PSTPIP1: variants seen among roughly 807,000 people sequenced by gnomAD.
The protein encoded by PSTPIP1 is proline-serine-threonine phosphatase interacting protein 1, also known as proline-serine-threonine phosphatase-interacting protein 1.
Under a neutral mutation model 69.6 loss-of-function variants are expected in PSTPIP1, and 66 were observed. That is an observed-to-expected ratio of 0.95 (90% CI 0.78 to 1.16). The LOEUF (loss-of-function observed/expected upper bound fraction) is 1.16. Ranked by LOEUF, PSTPIP1 falls within the 50% of genes most tolerant of loss-of-function variation. The probability of loss-of-function intolerance (pLI) is 0.00; values close to 1 mark genes in which losing one functional copy is unlikely to be tolerated. For synonymous variants in PSTPIP1, 266 were observed against 222.7 expected, an observed-to-expected ratio of 1.19 and a Z score of -1.73; for missense variants, 603 against 557.4, an observed-to-expected ratio of 1.08 and a Z score of -0.82.
intron 1 of PSTPIP1, among the ~76,000 whole-genome samples, chr15:77,014,078 G>A (rs918853772): frequency 6.6e-6 from 1 of 152,150 alleles, no homozygotes; most frequent in Non-Finnish European, 1.5e-5. Context: ...CCCTGAGTGT[G>A]GGGCTTTGCA....
At chr15:77,012,567 T>C (rs2075967879) in intron 1 of PSTPIP1, among the ~76,000 whole-genome samples, 1 of 152,142 alleles carries the variant, frequency 6.6e-6, no homozygotes, top group African/African-American at 2.4e-5. Flanking sequence ...ACCTGAGTGT[T>C]TGGTCCTTTG....
In PSTPIP1 at chr15:77,037,223, C is replaced by G; in HGVS notation, c.*47C>G. 1 of 1,553,930 alleles carries G rather than the reference C, an allele frequency of 6.4e-7. No individual in the cohort carries two copies. Among genetic ancestry groups the G allele is most frequent in the East Asian group, 2.4e-5 (1 of 41,492 alleles). On this transcript the variant is annotated 3_prime_UTR_variant, in exon 15 of 15. Transcript: ENST00000558012. Reference sequence around the variant, plus strand: ...GGACCTGCCCTGCCAGTGGAGCCAGCAGTGCCCCCAGCACTGTCCCCACCT... The same window carrying G: ...GGACCTGCCCTGCCAGTGGAGCCAGGAGTGCCCCCAGCACTGTCCCCACCT...
chr15:77,014,188 A>G (rs761144027), intron 1 of PSTPIP1, among the ~76,000 whole-genome samples: 9 of 151,964 alleles, frequency 5.9e-5, no homozygotes, highest in Non-Finnish European at 1.2e-4. Context: ...AGATTGGGTA[A>G]CCTCTCTGGG....
At chr15:76,996,503 C>T (rs550554582) in intron 1 of PSTPIP1, among the ~76,000 whole-genome samples, 11 of 152,358 alleles carry the variant, frequency 7.2e-5, no homozygotes, top group Admixed American at 4.6e-4. Context: ...CCGAAGAGGA[C>T]GCTCTGGCCC....
At chr15:76,994,849 G>T, upstream of PSTPIP1, 1 of 1,289,130 alleles carries the variant, frequency 7.8e-7, no homozygotes. Flanking sequence ...CTAGTGCGGG[G>T]TGGGGAGTCT....
At chr15:77,011,398 T>C (rs8030698) in intron 1 of PSTPIP1, among the ~76,000 whole-genome samples, 100,927 of 152,134 alleles carry the variant, frequency 0.66, 36,155 homozygotes, top group Middle Eastern at 0.85. Flanking sequence ...CAGGCATCTC[T>C]GGGACTCGGC....
At position 77,027,929 on chromosome 15, in the gene PSTPIP1, C is replaced by G; in HGVS notation, c.417+15C>G. 1 of 1,550,912 alleles carries G rather than the reference C, an allele frequency of 6.4e-7. No individual in the cohort carries two copies. Among genetic ancestry groups the G allele is most frequent in the Non-Finnish European group, 8.7e-7 (1 of 1,145,858 alleles). ...AGGCCATGGAGGTGAGCGCCAGGGCCTGGGGCCGCGGCCTTCCCTCGAGGA... is the reference window on the plus strand; with the variant it reads ...AGGCCATGGAGGTGAGCGCCAGGGCGTGGGGCCGCGGCCTTCCCTCGAGGA... On this transcript the variant is annotated intron_variant, in intron 6 of 14. Coordinates refer to ENST00000558012, the MANE Select transcript of PSTPIP1 (RefSeq NM_003978.5). The surrounding 1 kb of genome is among the most constrained non-coding windows in gnomAD (Gnocchi z 4.3).
At chr15:77,001,954 G>C (rs1390201590) in intron 1 of PSTPIP1, among the ~76,000 whole-genome samples, 1 of 152,200 alleles carries the variant, frequency 6.6e-6, no homozygotes, top group Admixed American at 6.5e-5. Context: ...TGAACCATAT[G>C]AATGTATTAA....
chr15:77,009,575 T>C (rs1250978296), intron 1 of PSTPIP1, among the ~76,000 whole-genome samples: 1 of 152,188 alleles, frequency 6.6e-6, no homozygotes, highest in African/African-American at 2.4e-5. Context: ...GCCCCTTCCC[T>C]GGGCTCCTCT....
intron 2 of PSTPIP1, 28 bp from the exon 3 acceptor site, chr15:77,018,429 G>C: frequency 4.5e-6 from 7 of 1,560,716 alleles, no homozygotes; most frequent in Non-Finnish European, 6.1e-6. Context: ...AGTCACTGAT[G>C]ATCTTTCAAA....
chr15:77,008,535 G>A (rs1252991270), intron 1 of PSTPIP1, among the ~76,000 whole-genome samples: 1 of 152,144 alleles, frequency 6.6e-6, no homozygotes, highest in South Asian at 2.1e-4. Flanking sequence ...TCAGCCTCCC[G>A]AGTAGCTGGG....
chr15:77,000,848 CT>C (rs138313338), intron 1 of PSTPIP1, among the ~76,000 whole-genome samples: 18 of 151,580 alleles, frequency 1.2e-4, no homozygotes, highest in African/African-American at 4.1e-4. Flanking sequence ...GCCCTCCCTC[CT>C]TTTTTTTTCT....
At chr15:77,018,336 C>G in intron 2 of PSTPIP1, 88 bp downstream of exon 2, 2 of 1,534,364 alleles carry the variant, frequency 1.3e-6, no homozygotes, top group Non-Finnish European at 8.8e-7. Flanking sequence ...GGCCCCCATC[C>G]CAGCCAAACT....
At chr15:77,029,196 C>A (rs1295382096) in intron 7 of PSTPIP1, among the ~76,000 whole-genome samples, 1 of 152,186 alleles carries the variant, frequency 6.6e-6, no homozygotes, top group Non-Finnish European at 1.5e-5. Flanking sequence ...GGGAAGTGGC[C>A]TGAGGGTGAG....
At chr15:76,995,078 C>G, upstream of PSTPIP1, 1 of 1,178,908 alleles carries the variant, frequency 8.5e-7, no homozygotes, top group Non-Finnish European at 1.1e-6. Context: ...ACAGCAACTC[C>G]ACTTCCTGTG....
chr15:77,015,749 G>A (rs533612498), intron 1 of PSTPIP1: 118 of 358,416 alleles, frequency 3.3e-4, no homozygotes, highest in South Asian at 1.4e-3. Flanking sequence ...GGAGGAGGGC[G>A]CGGGCTGGGG....
At chr15:77,010,378 G>A (rs1420215173) in intron 1 of PSTPIP1, among the ~76,000 whole-genome samples, 3 of 152,198 alleles carry the variant, frequency 2.0e-5, no homozygotes. Flanking sequence ...CCCTTCCCCT[G>A]AACCTGGAAC....
At chr15:77,014,169 T>C (rs12916725) in intron 1 of PSTPIP1, among the ~76,000 whole-genome samples, 2 of 152,124 alleles carry the variant, frequency 1.3e-5, no homozygotes, top group Non-Finnish European at 2.9e-5. Context: ...ACCCGGCAGG[T>C]CCCTGGGCAG....
At chr15:77,008,168 C>T (rs531555108) in intron 1 of PSTPIP1, 198 of 429,210 alleles carry the variant, frequency 4.6e-4, no homozygotes, top group Non-Finnish European at 8.2e-4. Context: ...GTGAGGTCTG[C>T]ACAGCACAGG....
Sources: allele counts gnomAD v4.1 joint callset (sites outside exome capture counted in the v4.1 genomes callset), GRCh38; gene constraint gnomAD v4.1.1; non-coding constraint Gnocchi (gnomAD v3.1); transcripts MANE v1.5; gene names NCBI Gene and HGNC (gene_info 2026-07-23, HGNC 2026-07-21).